RANBP2: variants seen among roughly 807,000 people sequenced by gnomAD.
RANBP2 encodes the protein E3 SUMO-protein ligase RanBP2.
In RANBP2, 57 loss-of-function variants were observed where a neutral mutation model predicts 303.6. The ratio of observed to expected loss-of-function variants is 0.19; its 90% CI spans 0.15 to 0.23. RANBP2 has a LOEUF of 0.23. Ranked by LOEUF, RANBP2 falls within the 10% of genes least tolerant of loss-of-function variation. The pLI is 1.00. For synonymous variants in RANBP2, 1,167 were observed against 1,301.5 expected (o/e 0.90, Z 2.23); for missense variants, 3,138 against 3,780.8 (o/e 0.83, Z 4.46).
At chr2:109,003,426 T>G in the RANBP2 span, among the ~76,000 whole-genome samples, 1 of 151,870 alleles carries the variant, frequency 6.6e-6, no homozygotes. Flanking sequence ...CTTTTTTTTT[T>G]TGAGAAGGAG....
chr2:109,159,277 C>A, the RANBP2 span, among the ~76,000 whole-genome samples: 1 of 152,224 alleles, frequency 6.6e-6, no homozygotes, highest in East Asian at 1.9e-4. Context: ...CCCGGCGCAG[C>A]TGCCTCTCTC....
At chr2:109,187,197 C>T in the RANBP2 span, among the ~76,000 whole-genome samples, 1 of 152,342 alleles carries the variant, frequency 6.6e-6, no homozygotes, top group East Asian at 1.9e-4. Flanking sequence ...TTCCCAAAGG[C>T]ATCGGTTTAC....
the RANBP2 span, among the ~76,000 whole-genome samples, chr2:109,556,940 A>G: frequency 1.3e-5 from 2 of 152,164 alleles, no homozygotes; most frequent in Non-Finnish European, 2.9e-5. Flanking sequence ...CAAACATGGC[A>G]TGTTCTCACT....
chr2:109,603,183 T>C, the RANBP2 span, among the ~76,000 whole-genome samples: 1 of 152,156 alleles, frequency 6.6e-6, no homozygotes, highest in Non-Finnish European at 1.5e-5. Context: ...TCAATGCTTA[T>C]TGTTTTTCAC....
chr2:108,945,372 C>G, the RANBP2 span, among the ~76,000 whole-genome samples: 3 of 152,274 alleles, frequency 2.0e-5, no homozygotes, highest in Non-Finnish European at 4.4e-5. Flanking sequence ...CAAGAGCCCC[C>G]AAGCAACGCC....
At chr2:109,089,441 T>TAA in the RANBP2 span, among the ~76,000 whole-genome samples, 1 of 150,112 alleles carries the variant, frequency 6.7e-6, no homozygotes, top group African/African-American at 2.5e-5. Flanking sequence ...CCATCTCTAT[T>TAA]TAAAAAAAAA....
chr2:108,876,406 T>C, the RANBP2 span: 1 of 469,824 alleles, frequency 2.1e-6, no homozygotes, highest in Non-Finnish European at 3.7e-6. Context: ...ATGAAATCTG[T>C]AGAAGGTATT....
the RANBP2 span, among the ~76,000 whole-genome samples, chr2:108,838,539 G>A: frequency 2.6e-5 from 4 of 152,088 alleles, no homozygotes; most frequent in Non-Finnish European, 4.4e-5. Flanking sequence ...AGAAGTGGGA[G>A]TATTCTGTTA....
chr2:109,362,720 C>G, the RANBP2 span, among the ~76,000 whole-genome samples: 9 of 152,112 alleles, frequency 5.9e-5, no homozygotes, highest in African/African-American at 1.9e-4. Flanking sequence ...CTCCTTCTGT[C>G]AGTTTTTTGC....
chr2:109,667,130 T>A, the RANBP2 span: 1 of 1,242,388 alleles, frequency 8.0e-7, no homozygotes, highest in Admixed American at 2.1e-5. Context: ...ATTTTACTTT[T>A]CAGCCAATCC....
At chr2:108,963,187 G>A in the RANBP2 span, among the ~76,000 whole-genome samples, 1 of 152,142 alleles carries the variant, frequency 6.6e-6, no homozygotes, top group East Asian at 1.9e-4. Flanking sequence ...CCAGTTTTGG[G>A]AAAATACATC....
the RANBP2 span, among the ~76,000 whole-genome samples, chr2:109,664,904 T>G: frequency 6.6e-6 from 1 of 151,022 alleles, no homozygotes; most frequent in Non-Finnish European, 1.5e-5. Flanking sequence ...CACTCCAGAC[T>G]GGGCAACAAG....
At chr2:109,417,646 T>C in the RANBP2 span, among the ~76,000 whole-genome samples, 2 of 152,110 alleles carry the variant, frequency 1.3e-5, no homozygotes, top group African/African-American at 2.4e-5. Flanking sequence ...GCAATGGAAG[T>C]CATTTGAGAC....
the RANBP2 span, among the ~76,000 whole-genome samples, chr2:109,206,825 C>T: frequency 2.0e-5 from 3 of 152,302 alleles, no homozygotes; most frequent in East Asian, 5.8e-4. Flanking sequence ...AGTTACTTAA[C>T]TCTGGCATTT....
At chr2:109,582,550 T>C in the RANBP2 span, among the ~76,000 whole-genome samples, 1 of 152,130 alleles carries the variant, frequency 6.6e-6, no homozygotes, top group African/African-American at 2.4e-5. Flanking sequence ...TCAAGACTCC[T>C]GAGCAAGCGA....
chr2:108,741,775 GT>G (rs1159005474), intron 7 of RANBP2, among the ~76,000 whole-genome samples: 1 of 143,658 alleles, frequency 7.0e-6, no homozygotes, highest in Non-Finnish European at 1.5e-5. Flanking sequence ...GCCTCCCAAA[GT>G]GCTGGGATTA....
At chr2:109,719,370 G>T in the RANBP2 span, among the ~76,000 whole-genome samples, 1 of 150,220 alleles carries the variant, frequency 6.7e-6, no homozygotes, top group African/African-American at 2.4e-5. Flanking sequence ...AAAGTGCTGG[G>T]ATTACAGGTG....
chr2:108,927,024 C>T, the RANBP2 span, among the ~76,000 whole-genome samples: 4 of 152,188 alleles, frequency 2.6e-5, no homozygotes, highest in African/African-American at 7.2e-5. Flanking sequence ...CTGAGAGGGG[C>T]TGGGATTCGG....
chr2:109,155,770 A>G, the RANBP2 span, among the ~76,000 whole-genome samples: 1 of 152,254 alleles, frequency 6.6e-6, no homozygotes, highest in East Asian at 1.9e-4. Context: ...AATGTTGATC[A>G]TAGCACACGT....
Sources: allele counts gnomAD v4.1 joint callset (sites outside exome capture counted in the v4.1 genomes callset), GRCh38; gene constraint gnomAD v4.1.1; transcripts MANE v1.5; gene names NCBI Gene and HGNC (gene_info 2026-07-23, HGNC 2026-07-21).